The following TNS3 variants were observed in gnomAD, a reference collection of about 807,000 sequenced individuals.
TNS3 encodes tensin-3.
TNS3 carries 45 observed loss-of-function variants against 140.9 expected under a neutral mutation model. The observed-to-expected ratio is 0.32, with a 90% CI of 0.25 to 0.41. TNS3 has a LOEUF of 0.41. TNS3 is among the 10% of genes least tolerant of loss of function. TNS3 has a pLI of 1.00. For missense variants in TNS3, 1,716 were observed against 1,906.7 expected (o/e 0.90, Z 1.86); for synonymous variants, 815 against 788.4 (o/e 1.03, Z -0.56).
Position 47,327,896 on chromosome 7 carries a change from G to A in TNS3, c.2650+16859C>T, listed in dbSNP as rs181464615. On this transcript the variant is annotated intron_variant, in intron 20 of 30. Coordinates refer to ENST00000311160, the MANE Select transcript of TNS3 (RefSeq NM_022748.12). ...AGTTTCAGCAAGGGCAACTGGATCC[G>A]GGCCAGAGGCGCCAGGAGCACAGAA... 2.2e-4 allele frequency among the ~76,000 whole-genome samples: 33 copies of A among 152,256 alleles called. No homozygotes were observed. The East Asian group carries it at 3.9e-3, about 18-fold the overall frequency.
At chr7:47,490,951 G>C in intron 3 of TNS3, among the ~76,000 whole-genome samples, 1 of 152,178 alleles carries the variant, frequency 6.6e-6, no homozygotes, top group East Asian at 1.9e-4. Context: ...GCTCTGTGTC[G>C]GGAAGTAGAG....
At chr7:47,437,887 A>C (rs1260815671) in intron 6 of TNS3, among the ~76,000 whole-genome samples, 1 of 151,076 alleles carries the variant, frequency 6.6e-6, no homozygotes, top group South Asian at 2.1e-4. Flanking sequence ...GAGGTGGTAC[A>C]TGGTGGGGAA....
At chr7:47,315,833 C>G (rs767877527) in intron 20 of TNS3, among the ~76,000 whole-genome samples, 11 of 152,320 alleles carry the variant, frequency 7.2e-5, no homozygotes, top group South Asian at 2.1e-4. Flanking sequence ...CCCAATTTCC[C>G]GTGTTCCTGA....
chr7:47,336,039 A>G (rs1296767321), intron 20 of TNS3, among the ~76,000 whole-genome samples: 1 of 152,182 alleles, frequency 6.6e-6, no homozygotes, highest in Non-Finnish European at 1.5e-5. Context: ...TTGTTATCAC[A>G]GAGCTTACTT....
intron 4 of TNS3, among the ~76,000 whole-genome samples, chr7:47,477,123 C>A (rs1459377677): frequency 1.3e-5 from 2 of 152,204 alleles, no homozygotes; most frequent in Admixed American, 1.3e-4. Context: ...AGATGACAGA[C>A]ACCCTTACAG....
intron 3 of TNS3, among the ~76,000 whole-genome samples, chr7:47,495,240 A>AAC (rs1374647825): frequency 2.6e-5 from 4 of 151,748 alleles, no homozygotes; most frequent in African/African-American, 9.7e-5. Flanking sequence ...TGGAACGTGA[A>AAC]GCCATGTCTC....
intron 20 of TNS3, among the ~76,000 whole-genome samples, chr7:47,307,553 T>C (rs1179787166): frequency 6.6e-6 from 1 of 152,246 alleles, no homozygotes; most frequent in African/African-American, 2.4e-5. Flanking sequence ...GCAAAGCTGC[T>C]TCCCAGAATA....
intron 8 of TNS3, among the ~76,000 whole-genome samples, chr7:47,433,276 C>A (rs1044764870): frequency 6.6e-6 from 1 of 152,238 alleles, no homozygotes; most frequent in South Asian, 2.1e-4. Context: ...TGATGATGAA[C>A]TTCTGTTAAC....
In TNS3 at chr7:47,369,602, A is replaced by C; in HGVS notation, c.1044T>G (p.Pro348=). The change falls in exon 17 of 31, where the codon CCT becomes CCG. Residue 348 remains proline (P), a synonymous_variant. Coordinates refer to ENST00000311160, the MANE Select transcript of TNS3 (RefSeq NM_022748.12). ...ADGEVLHTQG[P]VDGSLYAKVR... Reference sequence around the variant, plus strand: ...CCTTCGCGTAAAGGCTGCCATCGACAGGGCCCTGCGTGTGTAGCACTGCGG... The same window carrying C: ...CCTTCGCGTAAAGGCTGCCATCGACCGGGCCCTGCGTGTGTAGCACTGCGG... 6.3e-7 allele frequency: 1 copy of C among 1,591,534 alleles called. No individual in the cohort carries two copies.
At chr7:47,379,209 G>C (rs1323862476) in intron 16 of TNS3, among the ~76,000 whole-genome samples, 1 of 152,220 alleles carries the variant, frequency 6.6e-6, no homozygotes, top group African/African-American at 2.4e-5. Flanking sequence ...AGGGGCTGCA[G>C]ACACCGAAAG....
Position 47,304,945 on chromosome 7 carries a change from G to A in TNS3, c.2709C>T (p.Ile903=), listed in dbSNP as rs577707096. 1.1e-5 allele frequency: 15 copies of A among 1,425,158 alleles called. No individual in the cohort carries two copies. The highest frequency in any genetic ancestry group is 4.9e-5 in the South Asian group (3 of 61,388). The allele number at this position is 1,425,158 out of a possible 1,614,324, so 88.3% of individuals were successfully genotyped here. ...THAVGMSESP[I]GPKSTMLRAD... ...CCCGGAGCATCGTGGATTTGGGTCC[G>A]ATGGGGCTCTCTGACATCCCCACAG... Residue 903 remains isoleucine, a synonymous_variant, in exon 21 of 31, where the codon ATC becomes ATT. Transcript: ENST00000311160.
chr7:47,544,080 A>C (rs1474473128), intron 1 of TNS3, among the ~76,000 whole-genome samples: 3 of 152,224 alleles, frequency 2.0e-5, no homozygotes, highest in Non-Finnish European at 4.4e-5. Context: ...CTGTTTCATT[A>C]CAGACTGTGC....
intron 17 of TNS3, among the ~76,000 whole-genome samples, chr7:47,362,830 ATCATCACTG>A (rs1242017034): frequency 6.6e-6 from 1 of 151,898 alleles, no homozygotes; most frequent in Non-Finnish European, 1.5e-5. Context: ...AGTCATAACC[ATCATCACTG>A]TCATCATCAC....
Position 47,563,053 on chromosome 7 carries a change from T to A in TNS3, c.-265+18998A>T, listed in dbSNP as rs1800349469. Among the ~76,000 whole-genome samples the A allele has an allele frequency of 2.0e-5, 3 of 152,182 alleles. No homozygotes were observed. The South Asian group carries it at 6.2e-4, about 32-fold the overall frequency. On this transcript the variant is annotated intron_variant, in intron 1 of 30. Coordinates refer to ENST00000311160, the MANE Select transcript of TNS3 (RefSeq NM_022748.12). Reference sequence around the variant, plus strand: ...CTTTAGCTATGCCCGTTCTTGTTTATGTCCCTAACAGCGAAGCTAGGCAAA... The same window carrying A: ...CTTTAGCTATGCCCGTTCTTGTTTAAGTCCCTAACAGCGAAGCTAGGCAAA...
chr7:47,280,202 A>G lies in TNS3; in HGVS notation c.4167-12T>C. ...CATCTTTGATCCACCTTGCAAATTAAAGAGAAAAACAGAGGTTAATTTTTT... is the reference window on the plus strand; with the variant it reads ...CATCTTTGATCCACCTTGCAAATTAGAGAGAAAAACAGAGGTTAATTTTTT... On this transcript the variant is annotated splice_polypyrimidine_tract_variant and intron_variant, in intron 29 of 30. Coordinates refer to ENST00000311160, the MANE Select transcript of TNS3 (RefSeq NM_022748.12). 6.2e-7 allele frequency: 1 copy of G among 1,614,214 alleles called. No individual in the cohort carries two copies. Among genetic ancestry groups the G allele is most frequent in the Non-Finnish European group, 8.5e-7 (1 of 1,180,044 alleles).
chr7:47,437,016 G>T (rs1346049073), intron 7 of TNS3, among the ~76,000 whole-genome samples: 1 of 152,086 alleles, frequency 6.6e-6, no homozygotes, highest in Admixed American at 6.6e-5. Context: ...TATTAGTGTT[G>T]TAAGATTCTC....
chr7:47,380,759 T>A (rs956130138), intron 16 of TNS3, among the ~76,000 whole-genome samples: 1 of 150,140 alleles, frequency 6.7e-6, no homozygotes, highest in Admixed American at 6.6e-5. Flanking sequence ...CATACACATA[T>A]GCACGCGCGC....
At chr7:47,432,013 T>C (rs950455190) in intron 8 of TNS3, among the ~76,000 whole-genome samples, 7 of 152,050 alleles carry the variant, frequency 4.6e-5, no homozygotes, top group Non-Finnish European at 1.0e-4. Flanking sequence ...AGTAAGGAGA[T>C]TGAATCAGTA....
intron 4 of TNS3, among the ~76,000 whole-genome samples, chr7:47,458,309 G>T (rs1796341121): frequency 1.3e-5 from 2 of 152,226 alleles, no homozygotes; most frequent in Admixed American, 1.3e-4. Context: ...CTGCCAAAGG[G>T]CAGCTTCACT....
Sources: allele counts gnomAD v4.1 joint callset (sites outside exome capture counted in the v4.1 genomes callset), GRCh38; gene constraint gnomAD v4.1.1; transcripts MANE v1.5; gene names NCBI Gene and HGNC (gene_info 2026-07-23, HGNC 2026-07-21).